DDX54: variants seen among roughly 807,000 people sequenced by gnomAD.
DDX54 encodes the protein ATP-dependent RNA helicase DDX54.
DDX54 carries 67 observed loss-of-function variants against 105.5 expected under a neutral mutation model. That is an observed-to-expected ratio of 0.64 (90% confidence interval 0.52 to 0.78). DDX54 has a LOEUF of 0.78. Among genes scored for constraint, DDX54 ranks in the 30% least tolerant of loss-of-function variants. The probability of loss-of-function intolerance (pLI) is 0.00; values close to 1 mark genes in which losing one functional copy is unlikely to be tolerated. For missense variants in DDX54, 1,206 were observed against 1,230.5 expected (o/e 0.98, Z 0.30); for synonymous variants, 514 against 509.9 (o/e 1.01, Z -0.11).
chr12:113,180,992 T>C lies in DDX54; in HGVS notation c.241A>G (p.Thr81Ala). The C allele has an allele frequency of 6.2e-7, 1 of 1,613,498 alleles. No individual in the cohort carries two copies. Among genetic ancestry groups the C allele is most frequent in the Non-Finnish European group, 8.5e-7 (1 of 1,179,714 alleles). Residue 81 changes from threonine (T) to alanine (A), a missense_variant, in exon 2 of 20, where the codon ACC becomes GCC. Thr to Ala is a moderately conservative substitution (Grantham distance 58, BLOSUM62 0). Transcript: ENST00000306014. Reference sequence around the variant, plus strand: ...TTCTGGGCACGCACCATCTCCCGGGTGTCCGGCTCCACATCCGAGGTGCAT... The same window carrying C: ...TTCTGGGCACGCACCATCTCCCGGGCGTCCGGCTCCACATCCGAGGTGCAT... ...SECTSDVEPD[T>A]REMVRAQNKK... is the part of the protein sequence containing the mutation.
chr12:113,166,399 T>C (rs1593000808), intron 12 of DDX54, among the ~76,000 whole-genome samples: 2 of 146,140 alleles, frequency 1.4e-5, no homozygotes, highest in Admixed American at 1.4e-4. Context: ...TATCCGGCTC[T>C]AAAAAAAAAA....
chr12:113,178,855 T>C (rs891430885), intron 5 of DDX54, 122 bp downstream of exon 5: 1 of 1,362,028 alleles, frequency 7.3e-7, no homozygotes. Context: ...GTTGGGTTTT[T>C]TGAATGAGCA....
rs1397446061 is a variant in DDX54 at position 113,165,904 on chromosome 12, C to T, written c.1543G>A (p.Ala515Thr). ...CGTGAGCGCACATACTGCTGCTGGG[C>T]GTTATCAGCAACGCGGGCCAGGCCC... ...LRGLARVADN[A>T]QQQYVRSRPA... Residue 515 changes from alanine (A) to threonine (T), a missense_variant, in exon 13 of 20, where the codon GCC becomes ACC. Ala to Thr is a moderately conservative substitution (Grantham distance 58, BLOSUM62 0). Transcript: ENST00000306014. 1.9e-6 allele frequency: 3 copies of T among 1,613,786 alleles called. No individual in the cohort carries two copies. The highest frequency in any genetic ancestry group is 1.7e-5 in the Admixed American group (1 of 60,018).
At position 113,162,971 on chromosome 12, in the gene DDX54, T is replaced by C; in HGVS notation, c.2156A>G (p.Glu719Gly). The C allele has an allele frequency of 6.2e-7, 1 of 1,608,302 alleles. No homozygotes were observed. The highest frequency in any genetic ancestry group is 8.5e-7 in the Non-Finnish European group (1 of 1,179,684). Residue 719 changes from glutamate (E) to glycine (G), a missense_variant, in exon 17 of 20, where the codon GAA becomes GGA. Physicochemically the swap from Glu to Gly is moderately conservative, Grantham distance 98 (BLOSUM62 -2). Coordinates refer to ENST00000306014, the MANE Select transcript of DDX54 (RefSeq NM_024072.4). ...AGAVLDLMGDEAQNLTRGRQQ... is the reference protein window; with the variant it reads ...AGAVLDLMGDGAQNLTRGRQQ... ...CCGGCCCCTCGTCAGGTTCTGGGCT[T>C]CATCCCCCATCAAGTCCAGGACAGC...
chr12:113,179,371 C>A lies in DDX54; in HGVS notation c.376-40G>T, dbSNP rs1277942643. 3.1e-6 allele frequency: 5 copies of A among 1,597,956 alleles called. No individual in the cohort carries two copies. The African/African-American group carries it at 5.3e-5, about 17-fold the overall frequency. On this transcript the variant is annotated intron_variant, in intron 3 of 19. Transcript: ENST00000306014. ...GCAGGGAAGTCAAGGTCAGCTCCTCCCCAAACACCATGTGATCCAGAGCTT... is the reference window on the plus strand; with the variant it reads ...GCAGGGAAGTCAAGGTCAGCTCCTCACCAAACACCATGTGATCCAGAGCTT...
At position 113,174,576 on chromosome 12, in the gene DDX54, C is replaced by T. The variant is rs1033857013; in HGVS notation, c.1068+64G>A. The T allele has an allele frequency of 7.6e-6, 12 of 1,579,350 alleles. No homozygotes were observed. In the African/African-American group the frequency reaches 8.1e-5, roughly 11 times the overall value. ...CTCGTGCTGCCCTCTAGTGACTGCACAGGGAACTGCAGCTCCAAACTCCAG... is the reference window on the plus strand; with the variant it reads ...CTCGTGCTGCCCTCTAGTGACTGCATAGGGAACTGCAGCTCCAAACTCCAG... On this transcript the variant is annotated intron_variant, in intron 10 of 19. Transcript: ENST00000306014.
chr12:113,177,802 G>A (rs1186403722), intron 5 of DDX54, among the ~76,000 whole-genome samples: 1 of 152,140 alleles, frequency 6.6e-6, no homozygotes, highest in Non-Finnish European at 1.5e-5. Flanking sequence ...ACTCTAACCT[G>A]TCACTTCCTC....
At chr12:113,181,276 T>C (rs1952463950) in intron 1 of DDX54, among the ~76,000 whole-genome samples, 1 of 150,930 alleles carries the variant, frequency 6.6e-6, no homozygotes, top group South Asian at 2.1e-4. Flanking sequence ...TGAATCTCAA[T>C]CCCAAAAGTA....
chr12:113,176,964 C>CCCAGGG (rs1197884784), intron 6 of DDX54, 29 bp from the exon 7 acceptor site: 2 of 1,613,946 alleles, frequency 1.2e-6, no homozygotes, highest in South Asian at 2.2e-5. Context: ...GCCAGGTGAC[C>CCCAGGG]CCAGGGCCAG....
chr12:113,179,421 T>C, intron 3 of DDX54, 90 bp from the exon 4 acceptor site: 1 of 1,417,918 alleles, frequency 7.1e-7, no homozygotes, highest in Admixed American at 2.0e-5. Flanking sequence ...GTGGGCATGC[T>C]ATAGATCTCA....
chr12:113,184,800 T>A (rs913006395), intron 1 of DDX54, among the ~76,000 whole-genome samples: 2 of 152,204 alleles, frequency 1.3e-5, no homozygotes, highest in African/African-American at 4.8e-5. Flanking sequence ...CACTCCGGCA[T>A]GAGCAACAGA....
At position 113,163,925 on chromosome 12, in the gene DDX54, G is replaced by A. The variant is rs1438893727; in HGVS notation, c.1938+142C>T. ...ACGAGGGATGGTGGACAAGAACCAT[G>A]CCCCGACTCTGCAGATGGGAAGCTG... is the stretch of plus-strand genomic sequence containing the variant. On this transcript the variant is annotated intron_variant, in intron 15 of 19. Transcript: ENST00000306014. The surrounding 1 kb of genome is among the most constrained non-coding windows in gnomAD (Gnocchi z 5.9). 2 of 1,405,038 alleles carry A rather than the reference G, an allele frequency of 1.4e-6. No individual in the cohort carries two copies. The highest frequency in any genetic ancestry group is 2.5e-5 in the East Asian group (1 of 39,638). The allele number at this position is 1,405,038 out of a possible 1,614,324, so 87.0% of individuals were successfully genotyped here. A position where few individuals can be genotyped will look rare whatever the true frequency, so the allele number is the denominator to read the frequency against.
chr12:113,174,923 G>C lies in DDX54; in HGVS notation c.888C>G (p.Pro296=), dbSNP rs747763082. ...VEFARAGLTE[P]VLIRLDVDTK... ...TATCCACGTCAAGCCGGATGAGCAC[G>C]GGCTCCGTGAGGCCTGCAGGAGACA... The change falls in exon 9 of 20, where the codon CCC becomes CCG. Residue 296 remains proline, a synonymous_variant. Transcript: ENST00000306014. The C allele has an allele frequency of 6.2e-7, 1 of 1,613,414 alleles. No homozygotes were observed. Among genetic ancestry groups the C allele is most frequent in the Non-Finnish European group, 8.5e-7 (1 of 1,179,736 alleles).
Position 113,170,264 on chromosome 12 carries a change from T to G in DDX54, c.1280-360A>C, listed in dbSNP as rs563650455. On this transcript the variant is annotated intron_variant, in intron 11 of 19. Coordinates refer to ENST00000306014, the MANE Select transcript of DDX54 (RefSeq NM_024072.4). Reference sequence around the variant, plus strand: ...GACAGCCCCAAGTTGGAAACTAAAGTCTCAAGGGTAGAGGACTAGATAAGT... The same window carrying G: ...GACAGCCCCAAGTTGGAAACTAAAGGCTCAAGGGTAGAGGACTAGATAAGT... 7.2e-5 allele frequency among the ~76,000 whole-genome samples: 11 copies of G among 152,208 alleles called. No homozygotes were observed. The South Asian group carries it at 2.3e-3, about 32-fold the overall frequency.
intron 1 of DDX54, among the ~76,000 whole-genome samples, chr12:113,181,478 ATT>A (rs200981259): frequency 0.026 from 3,684 of 141,950 alleles, 81 homozygotes; most frequent in African/African-American, 0.061. Flanking sequence ...TTTTGTATTT[ATT>A]TTTTTTTTTT....
rs201999520 is a variant in DDX54 at position 113,174,791 on chromosome 12, C to T, written c.937-20G>A. 2.5e-5 allele frequency: 41 copies of T among 1,614,130 alleles called. No homozygotes were observed. The South Asian group carries it at 3.5e-4, about 14-fold the overall frequency. On this transcript the variant is annotated intron_variant, in intron 9 of 19. Transcript: ENST00000306014. ...GGAGGTCTGTGGGGAGAGGGCATCA[C>T]GTGTTGGCTTACGGGGTCCTGGCCC...
At chr12:113,184,497 A>G (rs964809453) in intron 1 of DDX54, among the ~76,000 whole-genome samples, 6 of 152,206 alleles carry the variant, frequency 3.9e-5, no homozygotes, top group African/African-American at 1.4e-4. Flanking sequence ...TAAGGCTCGT[A>G]CAGCTCTTAG....
intron 2 of DDX54, among the ~76,000 whole-genome samples, chr12:113,180,507 G>A (rs892659597): frequency 3.3e-5 from 5 of 152,164 alleles, no homozygotes; most frequent in African/African-American, 1.2e-4. Flanking sequence ...TAAGATTACA[G>A]GCATGAGTCA....
chr12:113,176,227 T>C (rs1429294064), intron 7 of DDX54, among the ~76,000 whole-genome samples: 2 of 152,220 alleles, frequency 1.3e-5, no homozygotes, highest in African/African-American at 4.8e-5. Flanking sequence ...GTCTGGCTCC[T>C]GAGTCCATGC....
Sources: allele counts gnomAD v4.1 joint callset (sites outside exome capture counted in the v4.1 genomes callset), GRCh38; gene constraint gnomAD v4.1.1; non-coding constraint Gnocchi (gnomAD v3.1); transcripts MANE v1.5; gene names NCBI Gene and HGNC (gene_info 2026-07-23, HGNC 2026-07-21).